ADCY7: variants seen among roughly 807,000 people sequenced by gnomAD.
ADCY7 encodes the protein adenylate cyclase 7, also known as adenylate cyclase type 7.
Under a neutral mutation model 120.6 loss-of-function variants are expected in ADCY7, and 72 were observed. That is an observed-to-expected ratio of 0.60 (90% CI 0.49 to 0.73). The LOEUF is 0.73. Ranked by LOEUF, ADCY7 falls within the 30% of genes least tolerant of loss-of-function variation. The pLI, the probability that ADCY7 is intolerant of heterozygous loss-of-function variation, is 0.00. For missense variants in ADCY7, 1,227 were observed against 1,486.0 expected, an observed-to-expected ratio of 0.83 and a Z score of 2.87; for synonymous variants, 661 against 628.0, an observed-to-expected ratio of 1.05 and a Z score of -0.78.
Position 50,317,304 on chromosome 16 carries a change from A to G in ADCY7, c.*1799A>G, listed in dbSNP as rs1852455127. On this transcript the variant is annotated 3_prime_UTR_variant, in exon 26 of 26. Transcript: ENST00000673801. ...CTTAAGTTGCCTTTTTTACACACCA[A>G]AACTTTTTACATGAAGGGCTGGTTT... The G allele has an allele frequency of 6.6e-6, 1 of 152,488 alleles. No individual in the cohort carries two copies. Among genetic ancestry groups the G allele is most frequent in the East Asian group, 1.9e-4 (1 of 5,340 alleles). The allele number at this position is 152,488 out of a possible 1,614,324, so 9.4% of individuals were successfully genotyped here.
chr16:50,308,098 C>T (rs963291694), intron 15 of ADCY7, among the ~76,000 whole-genome samples: 7 of 151,416 alleles, frequency 4.6e-5, no homozygotes, highest in African/African-American at 1.7e-4. Context: ...ATTTCTTATA[C>T]ACTTGGACCA....
chr16:50,313,688 G>A, intron 22 of ADCY7: 2 of 418,852 alleles, frequency 4.8e-6, no homozygotes, highest in Non-Finnish European at 8.5e-6. Flanking sequence ...ACATTCCTGT[G>A]TAGATAATGC....
rs2033229629 is a variant in ADCY7 at position 50,266,635 on chromosome 16, T to TAGA, written c.-314_-313insAGA. On this transcript the variant is annotated 5_prime_UTR_variant, in exon 1 of 26. Transcript: ENST00000673801. The stretch of plus-strand genomic sequence containing the variant: ...AAGGGCAGGCGGGGGCCGGGCCACC[T>TAGA]CCCTGCAGACCCTGGCCGGCTGCTG... The TAGA allele has an allele frequency of 5.2e-5, 8 of 153,396 alleles. No individual in the cohort carries two copies. The Admixed American group carries it at 5.2e-4, about 10-fold the overall frequency. 9.5% of individuals were successfully genotyped at this position (153,396 alleles called of 1,614,324 possible). A position where few individuals can be genotyped will look rare whatever the true frequency, so the allele number is the denominator to read the frequency against.
rs1020441984 is a variant in ADCY7 at position 50,316,820 on chromosome 16, C to G, written c.*1315C>G. On this transcript the variant is annotated 3_prime_UTR_variant, in exon 26 of 26. Transcript: ENST00000673801. Reference sequence around the variant, plus strand: ...GGACTTCATAACCGGAAGACTTAACCGGTGGCCTCATCACCAGAGCATCGC... The same window carrying G: ...GGACTTCATAACCGGAAGACTTAACGGGTGGCCTCATCACCAGAGCATCGC... The G allele has an allele frequency of 9.2e-5, 14 of 152,350 alleles. No homozygotes were observed. Among genetic ancestry groups the G allele is most frequent in the African/African-American group, 3.1e-4 (13 of 41,458 alleles). 9.4% of individuals were successfully genotyped at this position (152,350 alleles called of 1,614,324 possible). A position where few individuals can be genotyped will look rare whatever the true frequency, so the allele number is the denominator to read the frequency against.
upstream of ADCY7, among the ~76,000 whole-genome samples, chr16:50,262,738 C>T (rs1049304708): frequency 7.9e-5 from 12 of 152,182 alleles, no homozygotes; most frequent in Non-Finnish European, 1.8e-4. Flanking sequence ...GTGTCCCTAG[C>T]ACCAGGGAAG....
intron 1 of ADCY7, among the ~76,000 whole-genome samples, chr16:50,275,886 C>G (rs2033856300): frequency 6.6e-6 from 1 of 152,144 alleles, no homozygotes; most frequent in South Asian, 2.1e-4. Context: ...GCGAGAGCAC[C>G]CCCGCCCACC....
intron 1 of ADCY7, among the ~76,000 whole-genome samples, chr16:50,268,855 G>A (rs2033381021): frequency 6.6e-6 from 1 of 152,080 alleles, no homozygotes; most frequent in Admixed American, 6.5e-5. Context: ...TGGGCAACAT[G>A]GCGAAACCCC....
upstream of ADCY7, among the ~76,000 whole-genome samples, chr16:50,262,635 C>T (rs1475184742): frequency 6.6e-6 from 1 of 152,168 alleles, no homozygotes; most frequent in Non-Finnish European, 1.5e-5. Flanking sequence ...CCGGCTTCTC[C>T]CCAGAGCTTT....
At chr16:50,294,497 T>C in intron 6 of ADCY7, 143 bp from the exon 7 acceptor site, 1 of 596,886 alleles carries the variant, frequency 1.7e-6, no homozygotes, top group Admixed American at 2.9e-5. Context: ...GACTCTCCCA[T>C]CCCTATGGAG....
Position 50,315,122 on chromosome 16 carries a change from A to G in ADCY7, c.3080A>G (p.Glu1027Gly). ...GCCAGCCGAATGGAAAGCACTGGAG[A>G]ACTTGGGAAAATCCAGGTAAAGACC... ...NVASRMESTG[E>G]LGKIQVTEET... is the part of the protein sequence containing the mutation. Residue 1027 changes from glutamate (E) to glycine (G), a missense_variant, in exon 25 of 26, where the codon GAA (glutamate) becomes GGA (glycine). This residue lies in a region of ADCY7 where 244 missense variants were observed against 332.8 expected (regional missense o/e 0.73). Coordinates refer to ENST00000673801, the MANE Select transcript of ADCY7 (RefSeq NM_001114.5). 1.2e-6 allele frequency: 2 copies of G among 1,614,058 alleles called. No homozygotes were observed. The highest frequency in any genetic ancestry group is 1.7e-6 in the Non-Finnish European group (2 of 1,180,008).
chr16:50,311,815 C>T (rs913483167), intron 20 of ADCY7, 29 bp downstream of exon 20: 4 of 1,183,468 alleles, frequency 3.4e-6, no homozygotes, highest in Middle Eastern at 2.3e-4. Flanking sequence ...CCCCCCCCCC[C>T]AAGCTCTGCC....
chr16:50,300,378 A>G (rs114381307), intron 8 of ADCY7, among the ~76,000 whole-genome samples: 2,783 of 152,234 alleles, frequency 0.018, 92 homozygotes, highest in African/African-American at 0.063. Context: ...GGCCCCCAGT[A>G]AACTTTTAAA....
rs2036859128 is a variant in ADCY7 at position 50,317,515 on chromosome 16, TAAC to T, written c.*2015_*2017del. On this transcript the variant is annotated 3_prime_UTR_variant, in exon 26 of 26. Transcript: ENST00000673801. ...TTGGAATATTTGTTTTTTTCTTCAG[TAAC>T]AACAGAAACCCCAGTTGGGAGTTTA... 1.3e-5 allele frequency: 2 copies of T among 152,366 alleles called. No homozygotes were observed. The highest frequency in any genetic ancestry group is 2.4e-5 in the African/African-American group (1 of 41,458). The allele number at this position is 152,366 out of a possible 1,614,324, so 9.4% of individuals were successfully genotyped here.
intron 8 of ADCY7, 38 bp downstream of exon 8, chr16:50,299,069 T>C (rs371376603): frequency 3.2e-5 from 50 of 1,569,200 alleles, no homozygotes; most frequent in Middle Eastern, 3.4e-4. Context: ...GGTCCTGCCC[T>C]GTGGCGGACC....
chr16:50,268,786 C>A (rs910273125), intron 1 of ADCY7, among the ~76,000 whole-genome samples: 4 of 152,164 alleles, frequency 2.6e-5, no homozygotes, highest in African/African-American at 7.2e-5. Flanking sequence ...GAAAAGATCC[C>A]AGCACTTTGG....
At chr16:50,294,215 T>C (rs2035190715) in intron 6 of ADCY7, among the ~76,000 whole-genome samples, 1 of 152,116 alleles carries the variant, frequency 6.6e-6, no homozygotes, top group African/African-American at 2.4e-5. Flanking sequence ...GCAAGGGCTG[T>C]GTGAGGACTC....
At position 50,259,896 on chromosome 16, in the gene ADCY7, C is replaced by T. The variant is rs149849933; in HGVS notation, c.-64+13693C>T. On this transcript the variant is annotated intron_variant, in intron 1 of 4. Transcript: ENST00000564044. ...AACAGATCCCTGCACATCCCTGAGCCCACAGCTGAGAAGAGATGTGGGCAG... is the reference window on the plus strand; with the variant it reads ...AACAGATCCCTGCACATCCCTGAGCTCACAGCTGAGAAGAGATGTGGGCAG... Among the ~76,000 whole-genome samples the T allele has an allele frequency of 8.2e-3, 1,255 of 152,304 alleles. 62 individuals carry two copies. Among genetic ancestry groups the T allele is most frequent in the Admixed American group, 0.073 (1,119 of 15,296 alleles).
At position 50,304,374 on chromosome 16, in the gene ADCY7, C is replaced by G; in HGVS notation, c.1383C>G (p.Pro461=). 1 of 1,537,100 alleles carries G rather than the reference C, an allele frequency of 6.5e-7. No individual in the cohort carries two copies. Among genetic ancestry groups the G allele is most frequent in the Non-Finnish European group, 8.8e-7 (1 of 1,139,652 alleles). The change falls in exon 11 of 26, where the codon CCC becomes CCG. Residue 461 remains proline, a synonymous_variant. Transcript: ENST00000673801. The part of the protein sequence containing the change: ...LVIDPRSQQP[P]PPSQHLPRPK... ...TCTGCCCGCAGAGCCAGCAGCCACCCCCGCCCAGCCAACACCTCCCCAGGC... is the reference window on the plus strand; with the variant it reads ...TCTGCCCGCAGAGCCAGCAGCCACCGCCGCCCAGCCAACACCTCCCCAGGC...
At chr16:50,314,127 C>T in intron 23 of ADCY7, 65 bp downstream of exon 23, 1 of 1,501,136 alleles carries the variant, frequency 6.7e-7, no homozygotes, top group Non-Finnish European at 9.2e-7. Context: ...TGTCACCTTA[C>T]TTAAAGGGTG....
Sources: allele counts gnomAD v4.1 joint callset (sites outside exome capture counted in the v4.1 genomes callset), GRCh38; gene constraint gnomAD v4.1.1; regional missense constraint gnomAD v4.1.1; transcripts MANE v1.5; gene names NCBI Gene and HGNC (gene_info 2026-07-23, HGNC 2026-07-21).